The following RPS6KC1 variants were observed in gnomAD, a reference collection of about 807,000 sequenced individuals.
RPS6KC1 encodes ribosomal protein S6 kinase C1.
Under a neutral mutation model 103.8 loss-of-function variants are expected in RPS6KC1, and 54 were observed. The observed-to-expected ratio is 0.52, with a 90% CI of 0.42 to 0.65. The LOEUF (loss-of-function observed/expected upper bound fraction) is 0.65, where lower values mean the gene tolerates loss of function less well. Ranked by LOEUF, RPS6KC1 falls within the 30% of genes least tolerant of loss-of-function variation. The probability of loss-of-function intolerance (pLI) is 0.00; values close to 1 mark genes in which losing one functional copy is unlikely to be tolerated. For missense variants in RPS6KC1, 1,151 were observed against 1,253.8 expected, an observed-to-expected ratio of 0.92 and a Z score of 1.24; for synonymous variants, 439 against 438.7, an observed-to-expected ratio of 1.00 and a Z score of -0.01.
chr1:213,178,930 G>A (rs1241310880), intron 8 of RPS6KC1, among the ~76,000 whole-genome samples: 1 of 151,950 alleles, frequency 6.6e-6, no homozygotes, highest in Non-Finnish European at 1.5e-5. Flanking sequence ...ATGTTGGCCA[G>A]GCTGGTTTCG....
the RPS6KC1 span, among the ~76,000 whole-genome samples, chr1:213,445,309 A>G: frequency 6.6e-6 from 1 of 152,190 alleles, no homozygotes; most frequent in Non-Finnish European, 1.5e-5. Context: ...ACAAGTCTTT[A>G]TGTAGACATA....
chr1:213,252,205 G>C (rs1345947002), intron 12 of RPS6KC1, among the ~76,000 whole-genome samples: 1 of 152,202 alleles, frequency 6.6e-6, no homozygotes, highest in African/African-American at 2.4e-5. Context: ...CTAGGATTTT[G>C]TAATTCTAGT....
intron 6 of RPS6KC1, among the ~76,000 whole-genome samples, chr1:213,150,130 C>T (rs2088486466): frequency 6.6e-6 from 1 of 151,934 alleles, no homozygotes; most frequent in Non-Finnish European, 1.5e-5. Flanking sequence ...TAGTTTAGTC[C>T]ATTTGCATTC....
At chr1:213,490,283 G>A in the RPS6KC1 span, among the ~76,000 whole-genome samples, 2 of 152,212 alleles carry the variant, frequency 1.3e-5, no homozygotes, top group African/African-American at 4.8e-5. Flanking sequence ...TTTCCCCTAC[G>A]GACGTTGAAA....
At chr1:213,513,133 T>A in the RPS6KC1 span, among the ~76,000 whole-genome samples, 1 of 151,886 alleles carries the variant, frequency 6.6e-6, no homozygotes, top group Non-Finnish European at 1.5e-5. Context: ...GAGGTCAGAG[T>A]GATGCAAAGT....
the RPS6KC1 span, among the ~76,000 whole-genome samples, chr1:213,566,572 C>A: frequency 1.4e-5 from 2 of 146,598 alleles, no homozygotes; most frequent in Non-Finnish European, 3.0e-5. Flanking sequence ...TATTTTGCTC[C>A]CTTTTTTCAC....
chr1:213,205,547 GATAT>G (rs764745657), intron 8 of RPS6KC1, among the ~76,000 whole-genome samples: 5 of 102,454 alleles, frequency 4.9e-5, no homozygotes, highest in East Asian at 2.9e-4. Context: ...TATATATATA[GATAT>G]ATATATATAT....
chr1:213,317,785 A>G, the RPS6KC1 span, among the ~76,000 whole-genome samples: 1 of 152,224 alleles, frequency 6.6e-6, no homozygotes, highest in African/African-American at 2.4e-5. Context: ...CTAGTAGTAG[A>G]GTTGTGCCAG....
the RPS6KC1 span, among the ~76,000 whole-genome samples, chr1:213,616,433 G>A: frequency 4.9e-4 from 75 of 152,174 alleles, no homozygotes; most frequent in African/African-American, 7.2e-5. Flanking sequence ...TGCATGGCAG[G>A]GAGTAAGGAG....
chr1:213,833,700 G>T, the RPS6KC1 span, among the ~76,000 whole-genome samples: 24 of 152,072 alleles, frequency 1.6e-4, no homozygotes, highest in Non-Finnish European at 3.2e-4. Flanking sequence ...GCCTGACCCC[G>T]CCACACCCTG....
chr1:213,599,855 C>G, the RPS6KC1 span, among the ~76,000 whole-genome samples: 1 of 152,180 alleles, frequency 6.6e-6, no homozygotes, highest in Admixed American at 6.5e-5. Context: ...TGACCTGGCT[C>G]AGGTGCTCAG....
intron 8 of RPS6KC1, among the ~76,000 whole-genome samples, chr1:213,221,662 G>T (rs1044130834): frequency 5.9e-5 from 9 of 152,140 alleles, no homozygotes; most frequent in African/African-American, 1.9e-4. Context: ...ACAATTAGTT[G>T]TGTTCTTATA....
the RPS6KC1 span, among the ~76,000 whole-genome samples, chr1:213,608,063 T>G: frequency 6.6e-6 from 1 of 152,198 alleles, no homozygotes; most frequent in East Asian, 1.9e-4. Flanking sequence ...ATGTTGCCTT[T>G]GGAGAGTCCT....
chr1:213,431,643 TTGTTTGTGTGTA>T, the RPS6KC1 span, among the ~76,000 whole-genome samples: 1,153 of 141,356 alleles, frequency 8.2e-3, 11 homozygotes, highest in South Asian at 0.015. Context: ...TTGTATTCCA[TTGTTTGTGTGTA>T]TGTGTGTGTG....
the RPS6KC1 span, among the ~76,000 whole-genome samples, chr1:213,291,974 GT>G: frequency 6.6e-6 from 1 of 152,160 alleles, no homozygotes; most frequent in South Asian, 2.1e-4. Flanking sequence ...TGGCTAGCCA[GT>G]TTTTCCAGCA....
chr1:213,116,728 G>A (rs1440559227), intron 4 of RPS6KC1, among the ~76,000 whole-genome samples: 3 of 151,664 alleles, frequency 2.0e-5, no homozygotes, highest in Non-Finnish European at 4.4e-5. Context: ...TCCTTCAGGA[G>A]CTCTTTTAGG....
At chr1:213,260,273 T>C (rs2094753990) in intron 12 of RPS6KC1, among the ~76,000 whole-genome samples, 1 of 152,122 alleles carries the variant, frequency 6.6e-6, no homozygotes, top group Non-Finnish European at 1.5e-5. Context: ...GAATGGAAAT[T>C]GTGATTTGGC....
the RPS6KC1 span, among the ~76,000 whole-genome samples, chr1:213,570,377 A>G: frequency 6.6e-6 from 1 of 152,160 alleles, no homozygotes; most frequent in East Asian, 1.9e-4. Flanking sequence ...CCACCCTGAT[A>G]AGAAGACCAA....
At chr1:213,193,750 T>C (rs2092837360) in intron 8 of RPS6KC1, among the ~76,000 whole-genome samples, 1 of 152,136 alleles carries the variant, frequency 6.6e-6, no homozygotes, top group Non-Finnish European at 1.5e-5. Context: ...CACCTCAGCC[T>C]CCTGAGTAGC....
Sources: gnomAD v4.1 joint callset for allele counts (sites outside exome capture counted in the v4.1 genomes callset) on GRCh38, gnomAD v4.1.1 for gene constraint, MANE v1.5 for transcripts, NCBI Gene and HGNC (gene_info 2026-07-23, HGNC 2026-07-21) for gene names.